MICU2: variants seen among roughly 807,000 people sequenced by gnomAD.
MICU2 encodes the protein calcium uptake protein 2, mitochondrial.
Under a neutral mutation model 60.4 loss-of-function variants are expected in MICU2, and 64 were observed. The ratio of observed to expected loss-of-function variants is 1.06; its 90% confidence interval spans 0.87 to 1.31. The LOEUF (loss-of-function observed/expected upper bound fraction) is 1.31. MICU2 is among the 50% of genes most tolerant of loss of function. The pLI, the probability that MICU2 is intolerant of heterozygous loss-of-function variation, is 0.00. For synonymous variants in MICU2, 201 were observed against 175.0 expected, an observed-to-expected ratio of 1.15 and a Z score of -1.17; for missense variants, 569 against 531.0, an observed-to-expected ratio of 1.07 and a Z score of -0.70.
At chr13:21,522,581 A>C (rs1325089676) in intron 5 of MICU2, 22 bp downstream of exon 5, 2 of 1,572,736 alleles carry the variant, frequency 1.3e-6, no homozygotes, top group Non-Finnish European at 1.7e-6. Flanking sequence ...ATGATCTCTG[A>C]GAAAAACTGT....
In MICU2 at chr13:21,577,804, C is replaced by CAA. The variant is rs56200015; in HGVS notation, c.211-10862_211-10861dup. 6.6e-3 allele frequency among the ~76,000 whole-genome samples: 313 copies of CAA among 47,554 alleles called. 4 individuals are homozygous for CAA. The highest frequency in any genetic ancestry group is 0.016 in the African/African-American group (218 of 13,440). The allele number at this position is 47,554 out of a possible 152,430, so 31.2% of individuals were successfully genotyped here. A position where few individuals can be genotyped will look rare whatever the true frequency, so the allele number is the denominator to read the frequency against. The stretch of plus-strand genomic sequence containing the variant: ...TGGGTGACAGAGCGAGACTCGGTCT[C>CAA]AAAAAAAAAAAAAAAAAAAAAAAAG... On this transcript the variant is annotated intron_variant, in intron 1 of 11. Transcript: ENST00000382374.
At chr13:21,514,542 T>TC (rs1886517073) in intron 6 of MICU2, 124 bp from the exon 7 acceptor site, 5 of 584,038 alleles carry the variant, frequency 8.6e-6, no homozygotes, top group Non-Finnish European at 1.4e-5. Context: ...ATTAACTTCT[T>TC]TTTTTTTTTG....
intron 7 of MICU2, among the ~76,000 whole-genome samples, chr13:21,510,403 C>T (rs1886397255): frequency 6.6e-6 from 1 of 152,166 alleles, no homozygotes; most frequent in African/African-American, 2.4e-5. Context: ...ATAAATGTTA[C>T]TTCAAAATAT....
At chr13:21,499,583 T>C (rs555716133) in intron 9 of MICU2, among the ~76,000 whole-genome samples, 2 of 152,128 alleles carry the variant, frequency 1.3e-5, no homozygotes, top group South Asian at 2.1e-4. Flanking sequence ...TCTAATTTTT[T>C]GTATTTTTAG....
intron 4 of MICU2, among the ~76,000 whole-genome samples, chr13:21,534,196 A>G (rs537612581): frequency 1.3e-5 from 2 of 148,318 alleles, no homozygotes; most frequent in East Asian, 3.9e-4. Flanking sequence ...ATTTTTAAAT[A>G]TTTCCTTTTC....
At chr13:21,551,499 C>A (rs1002102732) in intron 2 of MICU2, 5 of 151,858 alleles carry the variant, frequency 3.3e-5, no homozygotes, top group Non-Finnish European at 7.4e-5. Flanking sequence ...AGGTTAGTTA[C>A]ATATGTATAC....
chr13:21,547,742 C>T (rs1887448847), intron 2 of MICU2, among the ~76,000 whole-genome samples: 1 of 133,904 alleles, frequency 7.5e-6, no homozygotes. Context: ...ATGCGGTTAA[C>T]AGAGGAACTG....
chr13:21,539,328 G>T lies in MICU2; in HGVS notation c.440C>A (p.Thr147Asn), dbSNP rs781467146. The change falls in exon 4 of 12, where the codon ACT (threonine) becomes AAT (asparagine). Residue 147 changes from threonine (T) to asparagine (N), a missense_variant. Physicochemically the swap from Thr to Asn is moderately conservative, Grantham distance 65 (BLOSUM62 0). Coordinates refer to ENST00000382374, the MANE Select transcript of MICU2 (RefSeq NM_152726.3). ...SGIQTAGCGSTFFRDLGDKGL... is the reference protein window; with the variant it reads ...SGIQTAGCGSNFFRDLGDKGL... ...TTTATCGCCAAGGTCTCTGAAAAAA[G>T]TTGATCCACAGCCAGCTGTTTGGAT... The T allele has an allele frequency of 9.9e-6, 16 of 1,613,694 alleles. No individual in the cohort carries two copies. Among genetic ancestry groups the T allele is most frequent in the Non-Finnish European group, 7.6e-6 (9 of 1,179,920 alleles).
intron 2 of MICU2, among the ~76,000 whole-genome samples, chr13:21,565,515 G>A (rs1831945760): frequency 6.6e-6 from 1 of 152,336 alleles, no homozygotes; most frequent in Non-Finnish European, 1.5e-5. Context: ...AAAATTAGCT[G>A]GGCGTGGTGG....
intron 2 of MICU2, among the ~76,000 whole-genome samples, chr13:21,556,548 C>CGAA: frequency 6.6e-6 from 1 of 152,184 alleles, no homozygotes; most frequent in Admixed American, 6.6e-5. Context: ...TTCAGGAGAG[C>CGAA]GAAGACATGA....
intron 4 of MICU2, among the ~76,000 whole-genome samples, chr13:21,524,074 C>T (rs17622810): frequency 0.31 from 47,861 of 151,966 alleles, 8,612 homozygotes; most frequent in South Asian, 0.4. Flanking sequence ...GCTGCTTACA[C>T]AGAAACGATA....
At chr13:21,592,137 G>C (rs530322962) in intron 1 of MICU2, among the ~76,000 whole-genome samples, 1 of 150,868 alleles carries the variant, frequency 6.6e-6, no homozygotes, top group East Asian at 1.9e-4. Flanking sequence ...AATAAAGAAG[G>C]GAGAGCAGAA....
intron 1 of MICU2, among the ~76,000 whole-genome samples, chr13:21,575,158 TAC>T (rs68090535): frequency 0.22 from 33,968 of 151,918 alleles, 4,700 homozygotes; most frequent in East Asian, 0.66. Flanking sequence ...GGCATATGCT[TAC>T]ACACACAGAC....
At chr13:21,549,198 G>A (rs1035615483) in intron 2 of MICU2, among the ~76,000 whole-genome samples, 2 of 152,066 alleles carry the variant, frequency 1.3e-5, no homozygotes, top group African/African-American at 2.4e-5. Flanking sequence ...CAACGTGCTG[G>A]GATTACAGGC....
At chr13:21,528,532 A>G (rs1333252744) in intron 4 of MICU2, among the ~76,000 whole-genome samples, 2 of 152,194 alleles carry the variant, frequency 1.3e-5, no homozygotes, top group Non-Finnish European at 2.9e-5. Flanking sequence ...TACAGACAAG[A>G]TATACAAGAG....
chr13:21,585,286 T>C (rs1201487263), intron 1 of MICU2, among the ~76,000 whole-genome samples: 2 of 152,232 alleles, frequency 1.3e-5, no homozygotes, highest in Non-Finnish European at 2.9e-5. Context: ...TATTTTTACC[T>C]GAGGCAGTAA....
At chr13:21,528,220 A>C (rs1348489620) in intron 4 of MICU2, among the ~76,000 whole-genome samples, 1 of 152,136 alleles carries the variant, frequency 6.6e-6, no homozygotes, top group Non-Finnish European at 1.5e-5. Context: ...ATAGAGTATA[A>C]ATTTTGATAG....
At chr13:21,553,562 C>A (rs529242855) in intron 2 of MICU2, among the ~76,000 whole-genome samples, 6 of 152,240 alleles carry the variant, frequency 3.9e-5, no homozygotes, top group South Asian at 4.2e-4. Flanking sequence ...ACAACTGGTA[C>A]CAGCCACTGC....
At chr13:21,594,538 A>G (rs939651692) in intron 1 of MICU2, among the ~76,000 whole-genome samples, 1 of 152,226 alleles carries the variant, frequency 6.6e-6, no homozygotes, top group African/African-American at 2.4e-5. Flanking sequence ...GTATATAACC[A>G]AAGGAATATA....
Sources: allele counts gnomAD v4.1 joint callset (sites outside exome capture counted in the v4.1 genomes callset), GRCh38; gene constraint gnomAD v4.1.1; transcripts MANE v1.5; gene names NCBI Gene and HGNC (gene_info 2026-07-23, HGNC 2026-07-21).